Variants in DLGAP2 observed in about 807,000 individuals in gnomAD.
DLGAP2 encodes the protein disks large-associated protein 2.
A neutral mutation model predicts 100.3 loss-of-function variants in DLGAP2; 26 were observed. The ratio of observed to expected loss-of-function variants is 0.26; its 90% CI spans 0.19 to 0.36. DLGAP2 has a LOEUF of 0.36. DLGAP2 is among the 10% of genes least tolerant of loss of function. DLGAP2 has a pLI of 1.00. For synonymous variants in DLGAP2, 886 were observed against 630.1 expected, an observed-to-expected ratio of 1.41 and a Z score of -6.08; for missense variants, 1,858 against 1,453.2, an observed-to-expected ratio of 1.28 and a Z score of -4.53.
At chr8:1,378,464 T>G (rs1238066154) in intron 3 of DLGAP2, among the ~76,000 whole-genome samples, 1 of 137,482 alleles carries the variant, frequency 7.3e-6, no homozygotes, top group East Asian at 2.2e-4. Context: ...CACACCTGAC[T>G]TCGCCTGTCC....
chr8:1,194,710 C>T (rs956623671), intron 2 of DLGAP2, among the ~76,000 whole-genome samples: 4 of 152,186 alleles, frequency 2.6e-5, no homozygotes, highest in African/African-American at 9.6e-5. Flanking sequence ...CTTCAGGTGT[C>T]CTGGGCGGCT....
chr8:1,477,466 C>G (rs1016086738), intron 3 of DLGAP2, among the ~76,000 whole-genome samples: 6 of 152,176 alleles, frequency 3.9e-5, no homozygotes, highest in African/African-American at 9.7e-5. Context: ...TTCACTGTCT[C>G]CATTTGGCCT....
chr8:1,663,138 G>A (rs199738619), intron 8 of DLGAP2, among the ~76,000 whole-genome samples: 2 of 83,956 alleles, frequency 2.4e-5, no homozygotes, highest in Non-Finnish European at 4.7e-5. Context: ...GTGTGTGTGT[G>A]TATGTGTGAG....
In DLGAP2 at chr8:1,234,049, G is replaced by A. The variant is rs530932756; in HGVS notation, c.74-24802G>A. On this transcript the variant is annotated intron_variant, in intron 2 of 14. Transcript: ENST00000637795. The stretch of plus-strand genomic sequence containing the variant: ...AATGGCACTATTGAAAGGCCCAGGT[G>A]AATACCTAACATTTTTAAAGAGATA... Among the ~76,000 whole-genome samples, 35 of 152,166 alleles carry A rather than the reference G, an allele frequency of 2.3e-4. 1 individual carries two copies. Among genetic ancestry groups the A allele is most frequent in the Non-Finnish European group, 4.7e-4 (32 of 68,034 alleles).
At chr8:1,560,723 T>C (rs1241972455) in intron 5 of DLGAP2, among the ~76,000 whole-genome samples, 4 of 152,244 alleles carry the variant, frequency 2.6e-5, no homozygotes, top group Non-Finnish European at 5.9e-5. Context: ...AGTCATCTTT[T>C]TCCAGTGCTC....
chr8:1,256,505 T>C (rs1442138187), intron 2 of DLGAP2, among the ~76,000 whole-genome samples: 1,437 of 132,918 alleles, frequency 0.011, 22 homozygotes, highest in African/African-American at 0.032. Flanking sequence ...CTCTCCTGCC[T>C]GGGTGCTGTG....
chr8:1,703,082 C>G lies in DLGAP2; in HGVS notation c.*1676C>G, dbSNP rs2130897622. On this transcript the variant is annotated 3_prime_UTR_variant, in exon 15 of 15. Transcript: ENST00000637795. The stretch of plus-strand genomic sequence containing the variant: ...AGCTGCGGTGTCTCCCTGCCTCATT[C>G]CCCACATCCCACTGAGCATGGGACC... 1 of 152,788 alleles carries G rather than the reference C, an allele frequency of 6.5e-6. No homozygotes were observed. The highest frequency in any genetic ancestry group is 2.1e-4 in the South Asian group (1 of 4,830). 9.5% of individuals were successfully genotyped at this position (152,788 alleles called of 1,614,324 possible).
At chr8:934,591 G>A (rs906325238) in intron 2 of DLGAP2, among the ~76,000 whole-genome samples, 8 of 152,156 alleles carry the variant, frequency 5.3e-5, no homozygotes, top group African/African-American at 1.9e-4. Context: ...TCACTTCTGC[G>A]AGGAGGCGTG....
intron 2 of DLGAP2, among the ~76,000 whole-genome samples, chr8:1,241,719 T>G (rs1798800867): frequency 1.3e-5 from 2 of 148,732 alleles, no homozygotes; most frequent in African/African-American, 2.5e-5. Flanking sequence ...ATTTAGATTT[T>G]AACCAGCAAA....
chr8:802,009 A>ATGGTCCG (rs1384286291), intron 1 of DLGAP2, among the ~76,000 whole-genome samples: 3 of 71,466 alleles, frequency 4.2e-5, no homozygotes, highest in African/African-American at 9.4e-5. Flanking sequence ...AGCCTGAGGA[A>ATGGTCCG]CAGTCCGCAC....
At chr8:1,548,567 G>A (rs1029340723) in intron 4 of DLGAP2, 59 bp from the exon 5 acceptor site, 4 of 1,331,688 alleles carry the variant, frequency 3.0e-6, no homozygotes, top group East Asian at 3.2e-5. Flanking sequence ...CATATTCCCC[G>A]CACCTGAGGG....
chr8:1,297,418 A>T (rs1343828384), intron 3 of DLGAP2, among the ~76,000 whole-genome samples: 1 of 151,872 alleles, frequency 6.6e-6, no homozygotes, highest in South Asian at 2.1e-4. Flanking sequence ...GAAACGTGGC[A>T]TGCGCGAACA....
Position 1,549,443 on chromosome 8 carries a change from G to C in DLGAP2, c.990G>C (p.Ala330=). The C allele has an allele frequency of 6.2e-7, 1 of 1,613,444 alleles. No homozygotes were observed. The highest frequency in any genetic ancestry group is 1.1e-5 in the South Asian group (1 of 91,068). The change falls in exon 5 of 15, where the codon GCG becomes GCC. Residue 330 remains alanine (A), a synonymous_variant. Transcript: ENST00000637795. ...LGPVAHCYPD[A]LQSPFGDLSL... ...CCGTGGCCCACTGCTACCCCGACGC[G>C]CTGCAGAGCCCCTTCGGGGACCTGT...
intron 3 of DLGAP2, among the ~76,000 whole-genome samples, chr8:1,456,093 G>C (rs185683093): frequency 6.6e-6 from 1 of 152,194 alleles, no homozygotes; most frequent in Admixed American, 6.5e-5. Flanking sequence ...AGCAGCTTTC[G>C]ATGGATCAAA....
At chr8:1,464,237 ACACCCTTCCAGG>A (rs1798546579) in intron 3 of DLGAP2, among the ~76,000 whole-genome samples, 1 of 34,798 alleles carries the variant, frequency 2.9e-5, no homozygotes, top group Non-Finnish European at 5.2e-5. Flanking sequence ...TTCCAGGACG[ACACCCTTCCAGG>A]ACGGCTCCCT....
chr8:952,713 C>G (rs1369485491), intron 2 of DLGAP2, among the ~76,000 whole-genome samples: 6 of 152,060 alleles, frequency 3.9e-5, no homozygotes, highest in Non-Finnish European at 5.9e-5. Context: ...GAAAAAACAC[C>G]TATTGTCCAC....
rs576580380 is a variant in DLGAP2, at chr8:1,001,431, T to A, written c.73+93465T>A. ...GACAAACTTAAAGTAATATTTATAA[T>A]CTCTCAAACTTTTCATCTAGAAAAT... is the stretch of plus-strand genomic sequence containing the variant. On this transcript the variant is annotated intron_variant, in intron 2 of 14. Transcript: ENST00000637795. Among the ~76,000 whole-genome samples, 357 of 152,346 alleles carry A rather than the reference T, an allele frequency of 2.3e-3. 1 individual carries two copies. Among genetic ancestry groups the A allele is most frequent in the Middle Eastern group, 6.8e-3 (2 of 294 alleles).
intron 3 of DLGAP2, among the ~76,000 whole-genome samples, chr8:1,264,096 T>G (rs1799404410): frequency 6.6e-6 from 1 of 152,098 alleles, no homozygotes; most frequent in Non-Finnish European, 1.5e-5. Flanking sequence ...CCATGCCCAC[T>G]AAGAATAAAT....
intron 1 of DLGAP2, among the ~76,000 whole-genome samples, chr8:768,759 C>T (rs1821279753): frequency 6.6e-6 from 1 of 152,118 alleles, no homozygotes; most frequent in African/African-American, 2.4e-5. Flanking sequence ...TGGTGCACTC[C>T]AGCATCAAAA....
Sources: gnomAD v4.1 joint callset for allele counts (sites outside exome capture counted in the v4.1 genomes callset) on GRCh38, gnomAD v4.1.1 for gene constraint, MANE v1.5 for transcripts, NCBI Gene and HGNC (gene_info 2026-07-23, HGNC 2026-07-21) for gene names.